The following PCNX2 variants were observed in gnomAD, a reference collection of about 807,000 sequenced individuals.
The protein encoded by PCNX2 is pecanex 2.
PCNX2 carries 168 observed loss-of-function variants against 223.8 expected under a neutral mutation model. The observed-to-expected ratio is 0.75, with a 90% CI of 0.66 to 0.85. PCNX2 has a LOEUF of 0.85. Among genes scored for constraint, PCNX2 ranks in the 40% least tolerant of loss-of-function variants. PCNX2 has a pLI of 0.00. For missense variants in PCNX2, 2,507 were observed against 2,675.5 expected, an observed-to-expected ratio of 0.94 and a Z score of 1.39; for synonymous variants, 1,006 against 1,052.6, an observed-to-expected ratio of 0.96 and a Z score of 0.86.
chr1:233,326,185 C>T, the PCNX2 span, among the ~76,000 whole-genome samples: 2 of 152,190 alleles, frequency 1.3e-5, no homozygotes, highest in Non-Finnish European at 2.9e-5. Context: ...ATACTGGAAA[C>T]ATAACTTGTA....
intron 1 of PCNX2, among the ~76,000 whole-genome samples, chr1:233,265,142 C>T (rs1251202522): frequency 6.6e-6 from 1 of 151,678 alleles, no homozygotes; most frequent in East Asian, 1.9e-4. Flanking sequence ...ACTGGGGAGG[C>T]TGAGGTGGGA....
intron 1 of PCNX2, among the ~76,000 whole-genome samples, chr1:233,289,835 A>C (rs1661656848): frequency 6.6e-6 from 1 of 152,224 alleles, no homozygotes; most frequent in Non-Finnish European, 1.5e-5. Context: ...AGAGAATAAC[A>C]ACAATCATGT....
In PCNX2 at chr1:233,074,487, T is replaced by C. The variant is rs1470595238; in HGVS notation, c.4076+15574A>G. On this transcript the variant is annotated intron_variant, in intron 23 of 33. Coordinates refer to ENST00000258229, the MANE Select transcript of PCNX2 (RefSeq NM_014801.4). ...GCGGGCGCCTGTAGTCCCAGCTACT[T>C]GGGAGGCTGAGGCAGGAGAATGGCG... 3.4e-5 allele frequency among the ~76,000 whole-genome samples: 5 copies of C among 145,010 alleles called. No homozygotes were observed. The South Asian group carries it at 6.5e-4, about 19-fold the overall frequency.
At chr1:233,044,376 G>T (rs1360142905) in intron 25 of PCNX2, among the ~76,000 whole-genome samples, 2 of 152,138 alleles carry the variant, frequency 1.3e-5, no homozygotes, top group African/African-American at 2.4e-5. Context: ...CACGCTGATG[G>T]TAGTTTCTTT....
At chr1:233,280,808 A>G (rs1027613735) in intron 1 of PCNX2, among the ~76,000 whole-genome samples, 5 of 152,178 alleles carry the variant, frequency 3.3e-5, no homozygotes, top group Non-Finnish European at 5.9e-5. Flanking sequence ...AAATTGTACA[A>G]CCTTTGGAAG....
intron 21 of PCNX2, among the ~76,000 whole-genome samples, chr1:233,117,748 C>A (rs935644272): frequency 6.6e-6 from 1 of 151,756 alleles, no homozygotes; most frequent in Admixed American, 6.6e-5. Context: ...CGGTGGCTCA[C>A]GCCTGTAATC....
intron 10 of PCNX2, among the ~76,000 whole-genome samples, chr1:233,221,365 T>C (rs1408220114): frequency 6.6e-6 from 1 of 152,084 alleles, no homozygotes; most frequent in African/African-American, 2.4e-5. Flanking sequence ...TCCAAAGGTC[T>C]TTGAAATAAA....
intron 1 of PCNX2, among the ~76,000 whole-genome samples, chr1:233,266,567 T>C (rs1025396274): frequency 6.6e-6 from 1 of 152,150 alleles, no homozygotes; most frequent in African/African-American, 2.4e-5. Flanking sequence ...GTATTTTCTC[T>C]CCATAGAGGT....
chr1:233,131,839 T>C (rs1676522634), intron 21 of PCNX2, among the ~76,000 whole-genome samples: 1 of 152,202 alleles, frequency 6.6e-6, no homozygotes, highest in African/African-American at 2.4e-5. Context: ...GCCACTCTGG[T>C]TCTATCTGAA....
At chr1:233,218,814 T>C (rs532770085) in intron 10 of PCNX2, among the ~76,000 whole-genome samples, 4 of 152,152 alleles carry the variant, frequency 2.6e-5, no homozygotes, top group Non-Finnish European at 5.9e-5. Flanking sequence ...TCCATGACCA[T>C]GAAATGTGTT....
intron 28 of PCNX2, among the ~76,000 whole-genome samples, chr1:233,009,145 A>G (rs1404133659): frequency 2.6e-5 from 4 of 152,164 alleles, no homozygotes; most frequent in Non-Finnish European, 5.9e-5. Flanking sequence ...TCGAGCCAAT[A>G]ATACCTATCT....
At chr1:233,268,909 CAAG>C (rs1361910239) in intron 1 of PCNX2, among the ~76,000 whole-genome samples, 2 of 152,146 alleles carry the variant, frequency 1.3e-5, no homozygotes, top group Non-Finnish European at 2.9e-5. Context: ...CTGGTTGGGC[CAAG>C]AAGGTGTGTC....
chr1:233,002,752 C>T (rs1475625721), intron 28 of PCNX2, among the ~76,000 whole-genome samples: 3 of 152,180 alleles, frequency 2.0e-5, no homozygotes, highest in African/African-American at 7.2e-5. Flanking sequence ...TGACTTCAAA[C>T]TATACTACAA....
rs201810019 is a variant in PCNX2, at chr1:232,984,434, C to T, written c.6284G>A (p.Gly2095Glu). ...PCEPPDATEQ[G>E]QLHDRCLAEA... ...AGCCAGACATCGGTCATGAAGCTGC[C>T]CCTGCTCGGTGGCATCAGGGGGCTC... is the stretch of plus-strand genomic sequence containing the variant. The change falls in exon 34 of 34, where the codon GGG becomes GAG. Residue 2095 changes from glycine to glutamate, a missense_variant. Physicochemically the swap from Gly to Glu is moderately conservative, Grantham distance 98 (BLOSUM62 -2). Around this residue, in one of 3 missense-constraint regions of PCNX2, gnomAD observed 1,372 missense variants for 1,509.4 expected, o/e 0.91. Transcript: ENST00000258229. 123 of 1,613,658 alleles carry T rather than the reference C, an allele frequency of 7.6e-5. No homozygotes were observed. The African/African-American group carries it at 1.4e-3, about 19-fold the overall frequency.
intron 10 of PCNX2, among the ~76,000 whole-genome samples, chr1:233,221,708 G>A (rs985833889): frequency 6.6e-6 from 1 of 152,184 alleles, no homozygotes; most frequent in Admixed American, 6.5e-5. Flanking sequence ...TCACATGGCT[G>A]GGGAATAGGA....
chr1:233,240,905 T>C (rs946492909), intron 8 of PCNX2, among the ~76,000 whole-genome samples: 3 of 152,194 alleles, frequency 2.0e-5, no homozygotes, highest in African/African-American at 7.2e-5. Context: ...CTCACTGATA[T>C]TGGAAAAACA....
Position 233,139,856 on chromosome 1 carries a change from C to A in PCNX2, c.3518-1G>T. On this transcript the variant is annotated splice_acceptor_variant, in intron 19 of 33. Coordinates refer to ENST00000258229, the MANE Select transcript of PCNX2 (RefSeq NM_014801.4). LOFTEE classifies it high-confidence loss of function. The surrounding 1 kb of genome is among the most constrained non-coding windows in gnomAD (Gnocchi z 4.4). ...TCGAACCACATTAAATGGGCAACAT[C>A]TGAAAGAAATATAAAAACCACTTAG... The A allele has an allele frequency of 3.7e-6, 6 of 1,610,582 alleles. No individual in the cohort carries two copies. The highest frequency in any genetic ancestry group is 5.1e-6 in the Non-Finnish European group (6 of 1,178,712).
intron 8 of PCNX2, among the ~76,000 whole-genome samples, chr1:233,244,042 G>A (rs1016998368): frequency 6.6e-6 from 1 of 152,072 alleles, no homozygotes; most frequent in Non-Finnish European, 1.5e-5. Flanking sequence ...TGTTGATCAG[G>A]CTGGTCTTGA....
chr1:233,281,682 C>T (rs1338471549), intron 1 of PCNX2, among the ~76,000 whole-genome samples: 1 of 152,182 alleles, frequency 6.6e-6, no homozygotes, highest in Non-Finnish European at 1.5e-5. Flanking sequence ...AATTGAACTT[C>T]AAGGCAAGCC....
Sources: allele counts gnomAD v4.1 joint callset (sites outside exome capture counted in the v4.1 genomes callset), GRCh38; gene constraint gnomAD v4.1.1; regional missense constraint gnomAD v4.1.1; non-coding constraint Gnocchi (gnomAD v3.1); transcripts MANE v1.5; gene names NCBI Gene and HGNC (gene_info 2026-07-23, HGNC 2026-07-21).